The following FANCA variants were observed in gnomAD, a reference collection of about 807,000 sequenced individuals.
FANCA encodes Fanconi anemia group A protein.
Under a neutral mutation model 194.3 loss-of-function variants are expected in FANCA, and 236 were observed. The observed-to-expected ratio is 1.21, with a 90% CI of 1.09 to 1.35. FANCA has a LOEUF of 1.35. Ranked by LOEUF, FANCA falls within the 40% of genes most tolerant of loss-of-function variation. FANCA has a pLI of 0.00. For synonymous variants in FANCA, 1,014 were observed against 715.8 expected, an observed-to-expected ratio of 1.42 and a Z score of -6.65; for missense variants, 2,628 against 1,813.9, an observed-to-expected ratio of 1.45 and a Z score of -8.15.
At chr16:89,814,082 G>T (rs1017796004) in intron 3 of FANCA, among the ~76,000 whole-genome samples, 1 of 152,164 alleles carries the variant, frequency 6.6e-6, no homozygotes. Flanking sequence ...CATCACATAA[G>T]GACGTGAAGG....
chr16:89,748,358 C>T (rs1230807871), intron 33 of FANCA, among the ~76,000 whole-genome samples: 1 of 152,200 alleles, frequency 6.6e-6, no homozygotes, highest in Non-Finnish European at 1.5e-5. Flanking sequence ...AACCGAGGTG[C>T]GTGGCACACA....
chr16:89,781,944 T>C (rs1223381108), intron 17 of FANCA, among the ~76,000 whole-genome samples: 1 of 149,940 alleles, frequency 6.7e-6, no homozygotes, highest in Non-Finnish European at 1.5e-5. Context: ...GAGGCAGAGC[T>C]TGCAGTGAGC....
chr16:89,799,739 G>A, intron 8 of FANCA, 101 bp from the exon 9 acceptor site: 1 of 1,070,684 alleles, frequency 9.3e-7, no homozygotes, highest in Non-Finnish European at 1.4e-6. Flanking sequence ...CTAAAGTAAA[G>A]AAACGGCACT....
chr16:89,809,269 T>C (rs934721711), intron 5 of FANCA, among the ~76,000 whole-genome samples: 1 of 152,174 alleles, frequency 6.6e-6, no homozygotes, highest in Non-Finnish European at 1.5e-5. Context: ...CTGATATGCA[T>C]GTCCAACATC....
At chr16:89,759,905 CTGGGGTGCTCCACCCA>C (rs1199068104) in intron 29 of FANCA, among the ~76,000 whole-genome samples, 3 of 152,126 alleles carry the variant, frequency 2.0e-5, no homozygotes, top group African/African-American at 7.2e-5. Context: ...CTGTCCGGGA[CTGGGGTGCTCCACCCA>C]CGCTGTGCGG....
chr16:89,813,680 A>G (rs1460743856), intron 3 of FANCA, among the ~76,000 whole-genome samples: 1 of 152,004 alleles, frequency 6.6e-6, no homozygotes, highest in African/African-American at 2.4e-5. Flanking sequence ...TGATCCGCAC[A>G]CCTCAGCCTC....
At chr16:89,805,668 TCAAAA>T (rs2040614880) in intron 6 of FANCA, among the ~76,000 whole-genome samples, 1 of 152,068 alleles carries the variant, frequency 6.6e-6, no homozygotes, top group Non-Finnish European at 1.5e-5. Flanking sequence ...ACTCCCGGGC[TCAAAA>T]CAATCTCCCA....
intron 15 of FANCA, among the ~76,000 whole-genome samples, chr16:89,783,953 G>A (rs1295108747): frequency 6.6e-6 from 1 of 152,058 alleles, no homozygotes; most frequent in Non-Finnish European, 1.5e-5. Context: ...TAGACAGGGG[G>A]TTTCTCCACA....
chr16:89,795,417 A>G (rs971777264), intron 11 of FANCA, among the ~76,000 whole-genome samples: 5 of 152,094 alleles, frequency 3.3e-5, no homozygotes, highest in African/African-American at 1.2e-4. Flanking sequence ...CAGGTGGAGC[A>G]CCGAAGGTCA....
chr16:89,799,728 T>A (rs775901543), intron 8 of FANCA, 90 bp from the exon 9 acceptor site: 2 of 1,180,940 alleles, frequency 1.7e-6, no homozygotes, highest in East Asian at 4.7e-5. Flanking sequence ...TACTTGTTAC[T>A]CTAAAGTAAA....
At chr16:89,791,154 G>A (rs2040061967) in intron 14 of FANCA, 1 of 557,916 alleles carries the variant, frequency 1.8e-6, no homozygotes, top group Non-Finnish European at 3.2e-6. Context: ...ACCAGGGGAA[G>A]GAGCTGAGGC....
intron 10 of FANCA, 141 bp from the exon 11 acceptor site, chr16:89,796,159 AG>A: frequency 1.4e-6 from 1 of 715,330 alleles, no homozygotes; most frequent in Non-Finnish European, 2.5e-6. Context: ...CTATAACCAC[AG>A]ACTTGAAACT....
rs1197053154 is a variant in FANCA, at chr16:89,770,785, A to G, written c.2152-151T>C. ...GTTTGGAGGGCATGTTACAATGCAA[A>G]CTGGTGCCCAGGGCCCCCATTCCCC... On this transcript the variant is annotated intron_variant, in intron 23 of 42. Coordinates refer to ENST00000389301, the MANE Select transcript of FANCA (RefSeq NM_000135.4). 1.0e-5 allele frequency: 7 copies of G among 697,622 alleles called. No homozygotes were observed. In the African/African-American group the frequency reaches 1.2e-4, roughly 12 times the overall value. 43.2% of individuals were successfully genotyped at this position (697,622 alleles called of 1,614,324 possible).
intron 38 of FANCA, chr16:89,740,407 A>AG (rs2062099967): frequency 1.1e-5 from 5 of 473,596 alleles, no homozygotes; most frequent in Non-Finnish European, 1.9e-5. Context: ...TGGGAGGCCG[A>AG]GGTCGGCGGA....
chr16:89,813,213 G>C (rs776241954), intron 3 of FANCA, among the ~76,000 whole-genome samples: 2 of 151,748 alleles, frequency 1.3e-5, no homozygotes, highest in African/African-American at 2.4e-5. Flanking sequence ...TCAGGAGTTT[G>C]AGACCAGCCT....
chr16:89,737,694 G>A lies in FANCA; in HGVS notation c.*907C>T. ...CCCTTGCTTGGGCCCACTGCATGGTGAACCATGTGCAGAAATGTCTTCCCA... is the reference window on the plus strand; with the variant it reads ...CCCTTGCTTGGGCCCACTGCATGGTAAACCATGTGCAGAAATGTCTTCCCA... On this transcript the variant is annotated 3_prime_UTR_variant, in exon 43 of 43. Transcript: ENST00000389301. 5 of 1,569,390 alleles carry A rather than the reference G, an allele frequency of 3.2e-6. No individual in the cohort carries two copies. Among genetic ancestry groups the A allele is most frequent in the Non-Finnish European group, 4.3e-6 (5 of 1,155,510 alleles).
rs1476221871 is a variant in FANCA at position 89,816,647 on chromosome 16, C to T, written c.-32G>A. 4.6e-6 allele frequency: 7 copies of T among 1,513,556 alleles called. No individual in the cohort carries two copies. Among genetic ancestry groups the T allele is most frequent in the South Asian group, 3.7e-5 (3 of 82,058 alleles). 93.8% of individuals were successfully genotyped at this position (1,513,556 alleles called of 1,614,324 possible). ...GGCGCCTACAGCCCCGGCGGCGGCT[C>T]CCTGCGCCCGAGCCCGCGCTGCCTT... On this transcript the variant is annotated 5_prime_UTR_variant, in exon 1 of 43. Transcript: ENST00000389301.
chr16:89,794,957 G>A (rs1015964276), intron 11 of FANCA, among the ~76,000 whole-genome samples: 7 of 152,156 alleles, frequency 4.6e-5, no homozygotes, highest in Non-Finnish European at 8.8e-5. Context: ...TATTCCAGAA[G>A]GAGAATGTGC....
At position 89,739,263 on chromosome 16, in the gene FANCA, G is replaced by A. The variant is rs201886956; in HGVS notation, c.4037C>T (p.Ala1346Val). The A allele has an allele frequency of 4.6e-5, 75 of 1,614,146 alleles. No homozygotes were observed. The highest frequency in any genetic ancestry group is 1.2e-4 in the Admixed American group (7 of 60,022). Residue 1346 changes from alanine to valine, a missense_variant, in exon 41 of 43, where the codon GCG becomes GTG. Physicochemically the swap from Ala to Val is moderately conservative, Grantham distance 64 (BLOSUM62 0). Transcript: ENST00000389301. ...YSLLSYFHED[A>V]AIREEAFLHV... ...CAGGAAGGCCTCTTCCCTGATGGCC[G>A]CGTCTTCATGGAAGTAGGAGAGAAG...
Sources: gnomAD v4.1 joint callset for allele counts (sites outside exome capture counted in the v4.1 genomes callset) on GRCh38, gnomAD v4.1.1 for gene constraint, MANE v1.5 for transcripts, NCBI Gene and HGNC (gene_info 2026-07-23, HGNC 2026-07-21) for gene names.